The following LUC7L2 variants were observed in gnomAD, a reference collection of about 807,000 sequenced individuals.
LUC7L2 encodes putative RNA-binding protein Luc7-like 2.
Under a neutral mutation model 52.8 loss-of-function variants are expected in LUC7L2, and 25 were observed. That is an observed-to-expected ratio of 0.47 (90% CI 0.34 to 0.66). LUC7L2 has a LOEUF of 0.66. Among genes scored for constraint, LUC7L2 ranks in the 30% least tolerant of loss-of-function variants. The probability of loss-of-function intolerance (pLI) is 0.01; values close to 1 mark genes in which losing one functional copy is unlikely to be tolerated. For synonymous variants in LUC7L2, 144 were observed against 160.9 expected (o/e 0.89, Z 0.80); for missense variants, 328 against 497.8 (o/e 0.66, Z 3.25).
chr7:139,413,502 G>A (rs781006660), intron 8 of LUC7L2, among the ~76,000 whole-genome samples: 1 of 152,176 alleles, frequency 6.6e-6, no homozygotes, highest in Non-Finnish European at 1.5e-5. Context: ...CTGGCTGAGC[G>A]CAGTGCCTCA....
intron 3 of LUC7L2, among the ~76,000 whole-genome samples, chr7:139,399,261 A>G (rs1794791467): frequency 6.6e-6 from 1 of 151,882 alleles, no homozygotes; most frequent in Non-Finnish European, 1.5e-5. Context: ...TAGCATTTAC[A>G]TTGTATTAGG....
intron 2 of LUC7L2, among the ~76,000 whole-genome samples, chr7:139,393,260 C>CT (rs984991833): frequency 2.2e-4 from 34 of 151,900 alleles, no homozygotes; most frequent in African/African-American, 7.7e-4. Flanking sequence ...GAGCGAGACT[C>CT]TGTCTCCAAA....
At chr7:139,374,729 A>G (rs1800620231) in intron 1 of LUC7L2, 9 of 1,289,560 alleles carry the variant, frequency 7.0e-6, no homozygotes, top group Non-Finnish European at 8.9e-6. Flanking sequence ...GCAAATTAGA[A>G]TGTTTTAAAA....
At chr7:139,404,572 A>G (rs919167971) in intron 4 of LUC7L2, among the ~76,000 whole-genome samples, 2 of 152,228 alleles carry the variant, frequency 1.3e-5, no homozygotes, top group Admixed American at 1.3e-4. Flanking sequence ...TTGGCCATAC[A>G]GCAAAGACTT....
chr7:139,406,666 G>A (rs757311621), intron 5 of LUC7L2, among the ~76,000 whole-genome samples: 6 of 151,850 alleles, frequency 4.0e-5, no homozygotes, highest in Non-Finnish European at 7.4e-5. Flanking sequence ...TTTTTTTGTT[G>A]TTGTTGTTTT....
At chr7:139,359,573 G>A (rs776932347), upstream of LUC7L2, 2 of 368,328 alleles carry the variant, frequency 5.4e-6, no homozygotes, top group Non-Finnish European at 9.7e-6. Flanking sequence ...CTTACTTTCC[G>A]CCCAGGCTAA....
At chr7:139,410,360 T>C (rs951565282) in intron 7 of LUC7L2, among the ~76,000 whole-genome samples, 2 of 151,936 alleles carry the variant, frequency 1.3e-5, no homozygotes, top group Non-Finnish European at 2.9e-5. Flanking sequence ...CATTGAAGGG[T>C]TTTTTTTACA....
At chr7:139,356,740 A>C (rs1799620056), upstream of LUC7L2, among the ~76,000 whole-genome samples, 1 of 152,204 alleles carries the variant, frequency 6.6e-6, no homozygotes, top group Non-Finnish European at 1.5e-5. Flanking sequence ...TAAATGAACG[A>C]GCCTGGCAGT....
At chr7:139,384,250 T>A (rs1794090768) in intron 2 of LUC7L2, among the ~76,000 whole-genome samples, 1 of 151,792 alleles carries the variant, frequency 6.6e-6, no homozygotes, top group African/African-American at 2.4e-5. Context: ...GTTTTTGGCA[T>A]TAACCCTGAT....
At chr7:139,349,495 T>C (rs1289440403) in intron 1 of LUC7L2, among the ~76,000 whole-genome samples, 1 of 152,080 alleles carries the variant, frequency 6.6e-6, no homozygotes, top group East Asian at 1.9e-4. Context: ...AATTGGAAGG[T>C]CCCAGCCTGA....
chr7:139,390,444 G>T (rs1794396862), intron 2 of LUC7L2, among the ~76,000 whole-genome samples: 1 of 151,760 alleles, frequency 6.6e-6, no homozygotes, highest in South Asian at 2.1e-4. Context: ...GGCCAGGCTG[G>T]TCTCAAACTT....
At chr7:139,368,810 A>G (rs1800300875) in intron 1 of LUC7L2, among the ~76,000 whole-genome samples, 1 of 151,550 alleles carries the variant, frequency 6.6e-6, no homozygotes, top group South Asian at 2.1e-4. Context: ...TCACCGTCTC[A>G]GTCCTTTCCC....
chr7:139,403,414 G>C (rs776754631), intron 4 of LUC7L2, among the ~76,000 whole-genome samples: 5 of 152,194 alleles, frequency 3.3e-5, no homozygotes, highest in Non-Finnish European at 7.3e-5. Flanking sequence ...AGTTACCCAG[G>C]TGGAGTTTAG....
At chr7:139,383,177 A>G (rs186710397) in intron 2 of LUC7L2, among the ~76,000 whole-genome samples, 12 of 151,628 alleles carry the variant, frequency 7.9e-5, no homozygotes, top group African/African-American at 2.9e-4. Flanking sequence ...GTGCAGTGGC[A>G]CGATCTTGGC....
At chr7:139,386,579 T>G (rs542611323) in intron 2 of LUC7L2, among the ~76,000 whole-genome samples, 3 of 131,132 alleles carry the variant, frequency 2.3e-5, no homozygotes, top group South Asian at 2.2e-4. Context: ...TAATTTTTTT[T>G]TCGTATTTTT....
intron 1 of LUC7L2, chr7:139,371,331 C>A: frequency 1.4e-6 from 1 of 737,718 alleles, no homozygotes; most frequent in South Asian, 1.5e-5. Context: ...TCAAATATTA[C>A]AAACTTTAAG....
chr7:139,405,829 T>G, intron 5 of LUC7L2, 42 bp downstream of exon 5: 2 of 1,550,236 alleles, frequency 1.3e-6, no homozygotes, highest in Middle Eastern at 1.7e-4. Flanking sequence ...CTTAATTTGG[T>G]AAGACTACAA....
rs1214259656 is a variant in LUC7L2, at chr7:139,360,241, T to C, written c.-21T>C. The C allele has an allele frequency of 6.5e-7, 1 of 1,539,132 alleles. No homozygotes were observed. The highest frequency in any genetic ancestry group is 1.2e-5 in the South Asian group (1 of 83,608). ...CCGGTCTGCGCCCCACCCCCGCCCG[T>C]CCGCCCGCTACGCCGCCGCCATGTC... On this transcript the variant is annotated 5_prime_UTR_variant, in exon 1 of 10. Coordinates refer to ENST00000354926, the MANE Select transcript of LUC7L2 (RefSeq NM_016019.5).
chr7:139,358,293 C>T (rs1245313748), upstream of LUC7L2, among the ~76,000 whole-genome samples: 4 of 152,216 alleles, frequency 2.6e-5, no homozygotes, highest in Non-Finnish European at 1.5e-5. Flanking sequence ...CAGGCATGAG[C>T]CATCCCTCCC....
Sources: allele counts gnomAD v4.1 joint callset (sites outside exome capture counted in the v4.1 genomes callset), GRCh38; gene constraint gnomAD v4.1.1; transcripts MANE v1.5; gene names NCBI Gene and HGNC (gene_info 2026-07-23, HGNC 2026-07-21).